PKD1L1: variants seen among roughly 807,000 people sequenced by gnomAD.
PKD1L1 encodes the protein polycystin-1-like protein 1.
PKD1L1 carries 236 observed loss-of-function variants against 323.4 expected under a neutral mutation model. That is an observed-to-expected ratio of 0.73 (90% CI 0.66 to 0.81). The LOEUF (loss-of-function observed/expected upper bound fraction) is 0.81, where lower values mean the gene tolerates loss of function less well. Among genes scored for constraint, PKD1L1 ranks in the 40% least tolerant of loss-of-function variants. The probability of loss-of-function intolerance (pLI) is 0.00; values close to 1 mark genes in which losing one functional copy is unlikely to be tolerated. For missense variants in PKD1L1, 3,320 were observed against 3,508.0 expected (o/e 0.95, Z 1.35); for synonymous variants, 1,344 against 1,335.0 (o/e 1.01, Z -0.15).
chr7:47,925,056 A>G (rs1191376679), intron 7 of PKD1L1, among the ~76,000 whole-genome samples: 6 of 152,242 alleles, frequency 3.9e-5, no homozygotes, highest in Non-Finnish European at 7.3e-5. Context: ...GTGAAAGAGA[A>G]GAGGACCTAA....
intron 53 of PKD1L1, among the ~76,000 whole-genome samples, chr7:47,801,289 A>G (rs1184354035): frequency 6.6e-6 from 1 of 152,184 alleles, no homozygotes; most frequent in Non-Finnish European, 1.5e-5. Flanking sequence ...AGAGCTTAGT[A>G]AAATAAATCA....
chr7:47,895,885 C>T (rs12667547), intron 14 of PKD1L1, among the ~76,000 whole-genome samples: 79,491 of 152,016 alleles, frequency 0.52, 22,445 homozygotes, highest in African/African-American at 0.74. Flanking sequence ...TGTTTTAATA[C>T]TGTTTATTTT....
At position 47,840,655 on chromosome 7, in the gene PKD1L1, C is replaced by A. The variant is rs1229666452; in HGVS notation, c.5446-88G>T. 3 of 1,005,500 alleles carry A rather than the reference C, an allele frequency of 3.0e-6. No individual in the cohort carries two copies. Among genetic ancestry groups the A allele is most frequent in the African/African-American group, 3.2e-5 (2 of 63,278 alleles). 62.3% of individuals were successfully genotyped at this position (1,005,500 alleles called of 1,614,324 possible). A position where few individuals can be genotyped will look rare whatever the true frequency, so the allele number is the denominator to read the frequency against. On this transcript the variant is annotated intron_variant, in intron 34 of 56. Coordinates refer to ENST00000289672, the MANE Select transcript of PKD1L1 (RefSeq NM_138295.5). The surrounding 1 kb of genome is among the most constrained non-coding windows in gnomAD (Gnocchi z 4.1). ...GGCAGGGCTTCCTCGCACTTTCTCC[C>A]AGCGTCCCACCCTTCCTCAAAACCA...
chr7:47,874,633 G>T (rs973538879), intron 23 of PKD1L1, among the ~76,000 whole-genome samples: 18 of 152,130 alleles, frequency 1.2e-4, no homozygotes, highest in Non-Finnish European at 2.5e-4. Flanking sequence ...TCCTGAGTCA[G>T]TGGATACTAG....
intron 28 of PKD1L1, 78 bp downstream of exon 28, chr7:47,857,527 C>T: frequency 7.9e-7 from 1 of 1,261,652 alleles, no homozygotes; most frequent in Non-Finnish European, 1.1e-6. Flanking sequence ...AACCTAGTTT[C>T]TCTTTTTGTC....
chr7:47,934,934 A>G (rs1285217248), intron 4 of PKD1L1, among the ~76,000 whole-genome samples: 1 of 152,162 alleles, frequency 6.6e-6, no homozygotes, highest in Non-Finnish European at 1.5e-5. Context: ...GTAACCAGTG[A>G]GGGCCCAAGA....
In PKD1L1 at chr7:47,839,412, G is replaced by A. The variant is rs1449208742; in HGVS notation, c.5769+34C>T. 13 of 1,560,306 alleles carry A rather than the reference G, an allele frequency of 8.3e-6. No individual in the cohort carries two copies. The highest frequency in any genetic ancestry group is 1.0e-5 in the Non-Finnish European group (12 of 1,144,990). ...GTGCCATGCTCTGCCGGTCAGCCAG[G>A]TGCGCCACGAGAGGCCACCTGGAGG... is the stretch of plus-strand genomic sequence containing the variant. On this transcript the variant is annotated intron_variant, in intron 36 of 56. Transcript: ENST00000289672. This position sits in a 1 kb window ranked among gnomAD's most constrained non-coding sequence, Gnocchi z 4.3.
chr7:47,947,458 C>T (rs1379061277), intron 1 of PKD1L1, among the ~76,000 whole-genome samples: 2 of 152,248 alleles, frequency 1.3e-5, no homozygotes, highest in Non-Finnish European at 1.5e-5. Flanking sequence ...AGGCTCCCAT[C>T]ATGCCAGGCC....
intron 33 of PKD1L1, among the ~76,000 whole-genome samples, chr7:47,844,177 C>A (rs566617984): frequency 3.9e-5 from 6 of 152,196 alleles, no homozygotes; most frequent in Non-Finnish European, 8.8e-5. Flanking sequence ...TCTTCTGAGC[C>A]CTGATCACTG....
At chr7:47,860,282 T>C (rs991330654) in intron 26 of PKD1L1, among the ~76,000 whole-genome samples, 22 of 152,360 alleles carry the variant, frequency 1.4e-4, no homozygotes, top group South Asian at 4.1e-4. Flanking sequence ...CTTGTGTTTA[T>C]GCAGAATTTT....
chr7:47,851,585 A>T (rs1363209556), intron 31 of PKD1L1, among the ~76,000 whole-genome samples: 1 of 152,148 alleles, frequency 6.6e-6, no homozygotes, highest in African/African-American at 2.4e-5. Flanking sequence ...GGATCCTTAA[A>T]ATCATGGGGT....
chr7:47,930,731 C>T (rs1562995249), intron 6 of PKD1L1, among the ~76,000 whole-genome samples: 1 of 152,048 alleles, frequency 6.6e-6, no homozygotes, highest in Non-Finnish European at 1.5e-5. Flanking sequence ...AGAAGAATCG[C>T]TTGAACCCGG....
intron 56 of PKD1L1, among the ~76,000 whole-genome samples, chr7:47,777,496 C>T (rs1786597050): frequency 6.6e-6 from 1 of 152,188 alleles, no homozygotes; most frequent in Non-Finnish European, 1.5e-5. Flanking sequence ...CTCTCAACTT[C>T]TGGTTTTGTA....
rs137923604 is a variant in PKD1L1, at chr7:47,813,455, C to G, written c.7174-162G>C. 1.4e-3 allele frequency: 1,074 copies of G among 793,182 alleles called. 11 individuals carry two copies. In the African/African-American group the frequency reaches 0.016, roughly 12 times the overall value. 49.1% of individuals were successfully genotyped at this position (793,182 alleles called of 1,614,324 possible). ...GTTCTGCAGCCTGTTTCGTGGTCTACAGACTCTAGCTCAAGCTACAGGATC... is the reference window on the plus strand; with the variant it reads ...GTTCTGCAGCCTGTTTCGTGGTCTAGAGACTCTAGCTCAAGCTACAGGATC... On this transcript the variant is annotated intron_variant, in intron 48 of 56. Coordinates refer to ENST00000289672, the MANE Select transcript of PKD1L1 (RefSeq NM_138295.5).
At chr7:47,837,193 GCTTTCTGGTT>G in intron 36 of PKD1L1, 99 bp from the exon 37 acceptor site, 1 of 1,360,334 alleles carries the variant, frequency 7.4e-7, no homozygotes, top group Non-Finnish European at 1.0e-6. Context: ...GAGACCACGA[GCTTTCTGGTT>G]CTTCCATCCT....
intron 15 of PKD1L1, among the ~76,000 whole-genome samples, chr7:47,892,211 G>T (rs1329015238): frequency 6.6e-6 from 1 of 152,172 alleles, no homozygotes; most frequent in African/African-American, 2.4e-5. Context: ...TCTCAGTGGG[G>T]GCCCCACTGG....
At chr7:47,851,061 G>T (rs1215710446) in intron 31 of PKD1L1, among the ~76,000 whole-genome samples, 1 of 152,116 alleles carries the variant, frequency 6.6e-6, no homozygotes, top group Non-Finnish European at 1.5e-5. Context: ...TTTGAATTAA[G>T]GCATTGTGAT....
chr7:47,943,158 AAAAAAATAT>A (rs1360115027), intron 2 of PKD1L1, among the ~76,000 whole-genome samples: 6 of 65,326 alleles, frequency 9.2e-5, no homozygotes, highest in East Asian at 5.6e-4. Context: ...AAAAAAAAAA[AAAAAAATAT>A]ATATATATAT....
intron 54 of PKD1L1, among the ~76,000 whole-genome samples, chr7:47,798,300 G>A (rs1187941555): frequency 1.3e-5 from 2 of 152,166 alleles, no homozygotes; most frequent in Non-Finnish European, 2.9e-5. Context: ...TGACAAAGTT[G>A]TAAAGCCAAT....
Sources: gnomAD v4.1 joint callset for allele counts (sites outside exome capture counted in the v4.1 genomes callset) on GRCh38, gnomAD v4.1.1 for gene constraint, Gnocchi (gnomAD v3.1) non-coding constraint, MANE v1.5 for transcripts, NCBI Gene and HGNC (gene_info 2026-07-23, HGNC 2026-07-21) for gene names.